The following A2M variants were observed in gnomAD, a reference collection of about 807,000 sequenced individuals.
A2M encodes the protein C3 and PZP-like alpha-2-macroglobulin domain-containing protein 5.
In A2M, 128 loss-of-function variants were observed where a neutral mutation model predicts 183.9. The observed-to-expected ratio is 0.70, with a 90% CI of 0.60 to 0.81. The LOEUF (loss-of-function observed/expected upper bound fraction) is 0.81. A2M is among the 30% of genes least tolerant of loss of function. The pLI is 0.00. For missense variants in A2M, 1,495 were observed against 1,787.6 expected, an observed-to-expected ratio of 0.84 and a Z score of 2.95; for synonymous variants, 592 against 670.8, an observed-to-expected ratio of 0.88 and a Z score of 1.81.
chr12:9,070,611 T>G, intron 31 of A2M, 33 bp from the exon 32 acceptor site: 1 of 1,474,806 alleles, frequency 6.8e-7, no homozygotes, highest in Non-Finnish European at 9.4e-7. Context: ...GATTAGGGTT[T>G]TCTGTGTTTT....
chr12:9,091,958 GTT>G (rs1466871345), intron 18 of A2M, among the ~76,000 whole-genome samples: 4 of 152,204 alleles, frequency 2.6e-5, no homozygotes, highest in Admixed American at 6.5e-5. Context: ...ATGTATTTAT[GTT>G]AAACATCTCC....
Position 9,069,779 on chromosome 12 carries a change from A to G in A2M, c.4229T>C (p.Val1410Ala), listed in dbSNP as rs758985104. 1 of 1,613,188 alleles carries G rather than the reference A, an allele frequency of 6.2e-7. No individual in the cohort carries two copies. Among genetic ancestry groups the G allele is most frequent in the South Asian group, 1.1e-5 (1 of 90,912 alleles). Reference protein sequence around the residue: ...ERSNHVSRTEVSSNHVLIYLD... With the variant: ...ERSNHVSRTEASSNHVLIYLD... ...GTAAATCAAGACATGGTTGCTGCTG[A>G]CTTCTGTCCGGCTCACATGGTTAGA... Residue 1410 changes from valine to alanine, a missense_variant, in exon 33 of 36, where the codon GTC (valine) becomes GCC (alanine). Val to Ala is a moderately conservative substitution (Grantham distance 64, BLOSUM62 0). Coordinates refer to ENST00000318602, the MANE Select transcript of A2M (RefSeq NM_000014.6).
intron 25 of A2M, among the ~76,000 whole-genome samples, chr12:9,078,402 G>C (rs933027003): frequency 2.0e-5 from 3 of 152,192 alleles, no homozygotes; most frequent in Non-Finnish European, 4.4e-5. Flanking sequence ...AGTATTCCAT[G>C]ATGTATATGT....
Position 9,094,248 on chromosome 12 carries a change from GA to G in A2M, c.2126-670del, listed in dbSNP as rs1392533276. Among the ~76,000 whole-genome samples the G allele has an allele frequency of 2.7e-5, 4 of 150,202 alleles. No homozygotes were observed. In the East Asian group the frequency reaches 7.9e-4, roughly 29 times the overall value. On this transcript the variant is annotated intron_variant, in intron 17 of 35. Coordinates refer to ENST00000318602, the MANE Select transcript of A2M (RefSeq NM_000014.6). ...CTTTTTATTCTCTATCGTGTCAGAAGATTACAGTTAGTTTCCTTCACTCTAT... is the reference window on the plus strand; with the variant it reads ...CTTTTTATTCTCTATCGTGTCAGAAGTTACAGTTAGTTTCCTTCACTCTAT...
intron 22 of A2M, among the ~76,000 whole-genome samples, chr12:9,081,626 C>T (rs1384974379): frequency 2.6e-5 from 4 of 152,214 alleles, no homozygotes; most frequent in African/African-American, 9.6e-5. Flanking sequence ...AATGGTCTCA[C>T]TTTGACCATG....
chr12:9,112,057 G>T, intron 4 of A2M, 102 bp downstream of exon 4: 1 of 1,070,166 alleles, frequency 9.3e-7, no homozygotes, highest in South Asian at 1.3e-5. Context: ...TACTGTTAAT[G>T]ATACCAGATT....
intron 13 of A2M, among the ~76,000 whole-genome samples, chr12:9,099,865 T>A (rs1937685258): frequency 6.6e-6 from 1 of 152,254 alleles, no homozygotes; most frequent in Admixed American, 6.5e-5. Flanking sequence ...CAACACATTG[T>A]ATTCATGCTA....
At chr12:9,103,758 G>A (rs226391) in intron 11 of A2M, among the ~76,000 whole-genome samples, 85,109 of 152,000 alleles carry the variant, frequency 0.56, 25,424 homozygotes, top group African/African-American at 0.76. Context: ...CCCTTCTCAG[G>A]CTGCATAATA....
intron 7 of A2M, 124 bp from the exon 8 acceptor site, chr12:9,107,768 G>T: frequency 2.7e-6 from 3 of 1,092,792 alleles, no homozygotes; most frequent in South Asian, 2.0e-5. Context: ...CTCTCTGCTG[G>T]GCTCACACAA....
At chr12:9,077,230 T>C (rs1243640389) in intron 27 of A2M, 116 bp downstream of exon 27, 1 of 1,022,536 alleles carries the variant, frequency 9.8e-7, no homozygotes, top group African/African-American at 1.6e-5. Flanking sequence ...AGCACTGGCA[T>C]TGCATAGAAA....
At chr12:9,077,506 TC>T in intron 26 of A2M, 86 bp from the exon 27 acceptor site, 1 of 1,487,078 alleles carries the variant, frequency 6.7e-7, no homozygotes, top group African/African-American at 1.4e-5. Context: ...GTCATGGAAT[TC>T]ATCCTTACCC....
At chr12:9,090,908 G>C (rs1322215699) in intron 19 of A2M, among the ~76,000 whole-genome samples, 1 of 152,158 alleles carries the variant, frequency 6.6e-6, no homozygotes, top group Non-Finnish European at 1.5e-5. Context: ...AAATATATGA[G>C]ATCGTAGAGG....
At chr12:9,073,628 G>A (rs1805662) in intron 29 of A2M, among the ~76,000 whole-genome samples, 47,543 of 151,972 alleles carry the variant, frequency 0.31, 7,867 homozygotes, top group Admixed American at 0.36. Flanking sequence ...CATTTTTTCC[G>A]TTTTAGGGTA....
chr12:9,113,226 A>C, intron 2 of A2M, 134 bp downstream of exon 2: 1 of 853,086 alleles, frequency 1.2e-6, no homozygotes, highest in Non-Finnish European at 1.8e-6. Flanking sequence ...CTTAATTTCT[A>C]TACTTAGTTT....
intron 18 of A2M, among the ~76,000 whole-genome samples, chr12:9,092,898 A>C (rs751872676): frequency 1.1e-3 from 164 of 152,346 alleles, no homozygotes; most frequent in Non-Finnish European, 2.0e-3. Context: ...AATTGTGGCT[A>C]TGCGTAATGG....
chr12:9,108,175 G>T (rs761694180), intron 7 of A2M, among the ~76,000 whole-genome samples: 4 of 152,026 alleles, frequency 2.6e-5, no homozygotes, highest in Admixed American at 6.6e-5. Context: ...GCCCAGGCTG[G>T]AGTGCAGTGG....
chr12:9,083,395 AAGAAAT>A (rs1279230913), intron 22 of A2M, among the ~76,000 whole-genome samples: 1 of 151,888 alleles, frequency 6.6e-6, no homozygotes, highest in Admixed American at 6.6e-5. Context: ...ATAAAAAAAA[AAGAAAT>A]AGAAACAATT....
chr12:9,104,275 G>A lies in A2M; in HGVS notation c.1230C>T (p.Asn410=). ...DEHGLVQFSI[N]TTNVMGTSLT... ...GAGAGGTACCCATAACATTGGTGGT[G>A]TTGATAGAGAACTGTACAAGGCCAT... Residue 410 remains asparagine, a synonymous_variant, in exon 11 of 36, where the codon AAC becomes AAT. Coordinates refer to ENST00000318602, the MANE Select transcript of A2M (RefSeq NM_000014.6). 6.2e-7 allele frequency: 1 copy of A among 1,613,028 alleles called. No individual in the cohort carries two copies. The highest frequency in any genetic ancestry group is 2.2e-5 in the East Asian group (1 of 44,856).
chr12:9,070,069 A>C (rs886147254), intron 32 of A2M, among the ~76,000 whole-genome samples: 3 of 152,230 alleles, frequency 2.0e-5, no homozygotes. Context: ...GTAGTTACTC[A>C]TATTTCAAAG....
Sources: allele counts gnomAD v4.1 joint callset (sites outside exome capture counted in the v4.1 genomes callset), GRCh38; gene constraint gnomAD v4.1.1; transcripts MANE v1.5; gene names NCBI Gene and HGNC (gene_info 2026-07-23, HGNC 2026-07-21).